CYREN: variants seen among roughly 807,000 people sequenced by gnomAD.
CYREN encodes cell cycle regulator of non-homologous end joining.
Under a neutral mutation model 9.7 loss-of-function variants are expected in CYREN, and 7 were observed. The observed-to-expected ratio is 0.72, with a 90% CI of 0.41 to 1.36. CYREN has a LOEUF of 1.36. Among genes scored for constraint, CYREN ranks in the 40% most tolerant of loss-of-function variants. The pLI is 0.01. For missense variants in CYREN, 215 were observed against 198.1 expected (o/e 1.09, Z -0.51); for synonymous variants, 76 against 77.9 (o/e 0.98, Z 0.13).
chr7:135,096,016 G>C (rs1207493643), intron 2 of CYREN, among the ~76,000 whole-genome samples: 1 of 152,128 alleles, frequency 6.6e-6, no homozygotes, highest in African/African-American at 2.4e-5. Flanking sequence ...GCTGGGTGTA[G>C]TTCCACATAC....
At chr7:135,094,463 T>C (rs930527860) in exon 3 of CYREN, 5 of 456,172 alleles carry the variant, frequency 1.1e-5, no homozygotes, top group African/African-American at 2.0e-5. Context: ...GAGTGCGCAC[T>C]AGCTTGAAAG....
chr7:135,166,445 G>A lies in CYREN; in HGVS notation c.*166C>T. On this transcript the variant is annotated 3_prime_UTR_variant, in exon 4 of 4. Transcript: ENST00000393114. ...CAGAACGGCAGCCCCAAGGCCCGGA[G>A]TGTCCAGGGGCTTCTGGCCTGAGGT... is the stretch of plus-strand genomic sequence containing the variant. The A allele has an allele frequency of 6.3e-6, 7 of 1,108,808 alleles. No individual in the cohort carries two copies. Among genetic ancestry groups the A allele is most frequent in the Middle Eastern group, 2.8e-4 (1 of 3,580 alleles). 68.7% of individuals were successfully genotyped at this position (1,108,808 alleles called of 1,614,324 possible).
chr7:135,147,324 G>A lies in CYREN; in HGVS notation n.356+21425C>T, dbSNP rs569878927. On this transcript the variant is annotated intron_variant and non_coding_transcript_variant, in intron 2 of 2. Coordinates refer to the CYREN transcript ENST00000459937. ...GAACTAGGGGCAGGGGGAGGGCAAT[G>A]TAGCAGTTCAAATAACTCCTCCTTT... is the stretch of plus-strand genomic sequence containing the variant. Among the ~76,000 whole-genome samples, 3 of 152,258 alleles carry A rather than the reference G, an allele frequency of 2.0e-5. No individual in the cohort carries two copies. The East Asian group carries it at 5.8e-4, about 29-fold the overall frequency.
intron 1 of CYREN, among the ~76,000 whole-genome samples, chr7:135,169,857 A>G (rs1830521024): frequency 6.6e-6 from 1 of 152,226 alleles, no homozygotes; most frequent in South Asian, 2.1e-4. Flanking sequence ...TCATAATTTG[A>G]TAATGCATTG....
chr7:135,155,735 T>C (rs1311503186), intron 2 of CYREN, among the ~76,000 whole-genome samples: 1 of 152,170 alleles, frequency 6.6e-6, no homozygotes, highest in Non-Finnish European at 1.5e-5. Context: ...TCTGTATTTC[T>C]AGCTACTCAA....
chr7:135,142,454 TTG>T (rs1194414108), intron 2 of CYREN, among the ~76,000 whole-genome samples: 1 of 152,062 alleles, frequency 6.6e-6, no homozygotes, highest in Non-Finnish European at 1.5e-5. Flanking sequence ...AGTGTTGGGG[TTG>T]CAAAAGTTAT....
chr7:135,115,917 G>A (rs4333534), intron 2 of CYREN: 230,840 of 238,156 alleles, frequency 0.97, 112,263 homozygotes, highest in East Asian at 1. Flanking sequence ...GCTGTTTTAA[G>A]CCTTATAATC....
chr7:135,114,608 C>G (rs1006729694), intron 2 of CYREN, among the ~76,000 whole-genome samples: 4 of 152,062 alleles, frequency 2.6e-5, no homozygotes, highest in Non-Finnish European at 4.4e-5. Flanking sequence ...ACATCCAATT[C>G]TTTAGAAAAT....
intron 2 of CYREN, among the ~76,000 whole-genome samples, chr7:135,130,380 A>C (rs1185824187): frequency 6.6e-6 from 1 of 152,128 alleles, no homozygotes; most frequent in Non-Finnish European, 1.5e-5. Context: ...TTTCAGGGCA[A>C]ATCTAGAATT....
At chr7:135,154,791 T>A in intron 2 of CYREN, among the ~76,000 whole-genome samples, 1 of 152,254 alleles carries the variant, frequency 6.6e-6, no homozygotes, top group East Asian at 1.9e-4. Flanking sequence ...TTGGAGAATG[T>A]TCCATGTGCT....
chr7:135,120,659 A>G (rs1160301463), intron 2 of CYREN, among the ~76,000 whole-genome samples: 1 of 152,252 alleles, frequency 6.6e-6, no homozygotes, highest in African/African-American at 2.4e-5. Flanking sequence ...AACAGAATGA[A>G]TTTTAAAACA....
At chr7:135,107,629 G>A (rs553388737) in intron 2 of CYREN, among the ~76,000 whole-genome samples, 60 of 152,172 alleles carry the variant, frequency 3.9e-4, no homozygotes, top group African/African-American at 1.4e-3. Context: ...ATTGTTTTAT[G>A]TCTGATTGTG....
intron 2 of CYREN, among the ~76,000 whole-genome samples, chr7:135,160,323 T>C (rs1266073966): frequency 6.6e-6 from 1 of 152,210 alleles, no homozygotes; most frequent in Non-Finnish European, 1.5e-5. Flanking sequence ...AGTCTCCCCT[T>C]TGCCCTCTGA....
chr7:135,104,613 T>C (rs968513906), intron 2 of CYREN, among the ~76,000 whole-genome samples: 2 of 152,214 alleles, frequency 1.3e-5, no homozygotes, highest in African/African-American at 4.8e-5. Context: ...TTTTTAATAA[T>C]AGTCATTCTG....
Position 135,101,938 on chromosome 7 carries a change from C to T in CYREN, n.357-7356G>A, listed in dbSNP as rs546196348. ...GATAGTAAATAAGTCTCACGAGATCCGTTGGTTTTATAAGGGGTTTCCGCT... is the reference window on the plus strand; with the variant it reads ...GATAGTAAATAAGTCTCACGAGATCTGTTGGTTTTATAAGGGGTTTCCGCT... On this transcript the variant is annotated intron_variant and non_coding_transcript_variant, in intron 2 of 2. Transcript: ENST00000459937. Among the ~76,000 whole-genome samples, 9 of 152,254 alleles carry T rather than the reference C, an allele frequency of 5.9e-5. No homozygotes were observed. The South Asian group carries it at 1.2e-3, about 21-fold the overall frequency.
At chr7:135,129,957 C>A (rs1324055133) in intron 2 of CYREN, among the ~76,000 whole-genome samples, 1 of 152,138 alleles carries the variant, frequency 6.6e-6, no homozygotes, top group Non-Finnish European at 1.5e-5. Context: ...GTCCAAAGCT[C>A]TGAATAGTTA....
intron 2 of CYREN, among the ~76,000 whole-genome samples, chr7:135,123,903 T>C (rs1263473178): frequency 2.0e-5 from 3 of 151,904 alleles, no homozygotes; most frequent in Non-Finnish European, 4.4e-5. Context: ...GCACTAAATA[T>C]GAAAAACAAA....
At position 135,137,222 on chromosome 7, in the gene CYREN, A is replaced by G. The variant is rs1829366666; in HGVS notation, n.356+31527T>C. ...GCAGAGAGATGGGAACTAAGAAACA[A>G]AAAAAAAATGCTAGAAATCAAAAAC... On this transcript the variant is annotated intron_variant and non_coding_transcript_variant, in intron 2 of 2. Transcript: ENST00000459937. Among the ~76,000 whole-genome samples, 4 of 151,000 alleles carry G rather than the reference A, an allele frequency of 2.6e-5. No individual in the cohort carries two copies. The South Asian group carries it at 8.4e-4, about 32-fold the overall frequency.
chr7:135,094,254 G>C lies in CYREN; in HGVS notation n.685C>G, dbSNP rs569547604. 777 of 390,396 alleles carry C rather than the reference G, an allele frequency of 2.0e-3. 14 individuals are homozygous for C. Among genetic ancestry groups the C allele is most frequent in the South Asian group, 0.012 (613 of 51,832 alleles). The allele number at this position is 390,396 out of a possible 1,614,324, so 24.2% of individuals were successfully genotyped here. A position where few individuals can be genotyped will look rare whatever the true frequency, so the allele number is the denominator to read the frequency against. On this transcript the variant is annotated non_coding_transcript_exon_variant, in exon 3 of 3. Coordinates refer to the CYREN transcript ENST00000459937. The stretch of plus-strand genomic sequence containing the variant: ...TTCCTGTCCTTACAACAACAAAAAA[G>C]CTGAACAAACTAAAAATCAGCAACT...
Sources: allele counts gnomAD v4.1 joint callset (sites outside exome capture counted in the v4.1 genomes callset), GRCh38; gene constraint gnomAD v4.1.1; transcripts MANE v1.5; gene names NCBI Gene and HGNC (gene_info 2026-07-23, HGNC 2026-07-21).